ADAM12: variants seen among roughly 807,000 people sequenced by gnomAD.
ADAM12 encodes the protein ADAM metallopeptidase domain 12, also known as disintegrin and metalloproteinase domain-containing protein 12.
ADAM12 carries 70 observed loss-of-function variants against 106.4 expected under a neutral mutation model. The observed-to-expected ratio is 0.66, with a 90% CI of 0.54 to 0.80. The LOEUF (loss-of-function observed/expected upper bound fraction) is 0.80, where lower values mean the gene tolerates loss of function less well. ADAM12 is among the 30% of genes least tolerant of loss of function. The pLI is 0.00. For missense variants in ADAM12, 1,010 were observed against 1,171.9 expected, an observed-to-expected ratio of 0.86 and a Z score of 2.02; for synonymous variants, 420 against 433.5, an observed-to-expected ratio of 0.97 and a Z score of 0.39.
At chr10:126,303,441 A>G (rs1387799774) in intron 2 of ADAM12, among the ~76,000 whole-genome samples, 1 of 152,206 alleles carries the variant, frequency 6.6e-6, no homozygotes, top group Non-Finnish European at 1.5e-5. Flanking sequence ...GAGTAATGTA[A>G]TAGCCTGTAC....
chr10:126,355,706 C>G (rs775603026), intron 1 of ADAM12, among the ~76,000 whole-genome samples: 14 of 152,194 alleles, frequency 9.2e-5, no homozygotes, highest in Non-Finnish European at 1.8e-4. Flanking sequence ...TCCCAGGAAG[C>G]CCACCTCAGT....
chr10:126,103,393 A>T (rs960586904), intron 8 of ADAM12, among the ~76,000 whole-genome samples: 1 of 152,160 alleles, frequency 6.6e-6, no homozygotes. Context: ...AACCACCACC[A>T]CAGCTAATGT....
chr10:126,316,164 AAG>A (rs1369942224), intron 2 of ADAM12, among the ~76,000 whole-genome samples: 166 of 152,330 alleles, frequency 1.1e-3, no homozygotes, highest in African/African-American at 3.6e-3. Flanking sequence ...TAACATTTCT[AAG>A]AGTTCTGTTT....
intron 2 of ADAM12, among the ~76,000 whole-genome samples, chr10:126,300,847 G>A (rs1960589922): frequency 6.6e-6 from 1 of 152,204 alleles, no homozygotes; most frequent in Admixed American, 6.5e-5. Flanking sequence ...TATTCCACGA[G>A]ATTCCACTAG....
At chr10:126,366,455 A>G (rs1376623410) in intron 1 of ADAM12, among the ~76,000 whole-genome samples, 3 of 146,926 alleles carry the variant, frequency 2.0e-5, no homozygotes, top group African/African-American at 7.3e-5. Context: ...GAAGAACTAC[A>G]GCTAAAAAAG....
At chr10:126,181,266 T>C (rs1321291516) in intron 3 of ADAM12, among the ~76,000 whole-genome samples, 1 of 152,092 alleles carries the variant, frequency 6.6e-6, no homozygotes, top group East Asian at 1.9e-4. Context: ...GAGATGGGGT[T>C]TCACCATGTT....
At chr10:126,344,274 A>G (rs1364839532) in intron 1 of ADAM12, among the ~76,000 whole-genome samples, 2 of 152,330 alleles carry the variant, frequency 1.3e-5, no homozygotes, top group Non-Finnish European at 2.9e-5. Flanking sequence ...TTTATTAAAT[A>G]GGGAATCCTT....
chr10:126,313,119 A>G (rs935152397), intron 2 of ADAM12, among the ~76,000 whole-genome samples: 1 of 152,212 alleles, frequency 6.6e-6, no homozygotes, highest in African/African-American at 2.4e-5. Flanking sequence ...CTGAGCCTGC[A>G]GCTTGGCTGG....
At chr10:126,034,965 G>A (rs1033236308) in intron 21 of ADAM12, among the ~76,000 whole-genome samples, 3 of 152,154 alleles carry the variant, frequency 2.0e-5, no homozygotes, top group Non-Finnish European at 2.9e-5. Context: ...AATCCTAATT[G>A]TGTGTATCGC....
intron 22 of ADAM12, among the ~76,000 whole-genome samples, 195 bp downstream of exon 22, chr10:126,019,500 A>G (rs1362312143): frequency 1.3e-5 from 2 of 152,222 alleles, no homozygotes. Flanking sequence ...CTGTGTGCCA[A>G]TGCCTGTGAT....
At chr10:126,155,078 G>A (rs909298919) in intron 4 of ADAM12, 149 bp downstream of exon 4, 19 of 767,894 alleles carry the variant, frequency 2.5e-5, no homozygotes, top group Middle Eastern at 2.5e-4. Context: ...ATAATAGAAC[G>A]CCTACCACTA....
intron 3 of ADAM12, among the ~76,000 whole-genome samples, chr10:126,267,834 G>A (rs927317586): frequency 6.6e-6 from 1 of 151,870 alleles, no homozygotes; most frequent in Non-Finnish European, 1.5e-5. Context: ...CGGTGGGGGT[G>A]GATTTAGAAG....
chr10:126,266,031 G>A (rs894109740), intron 3 of ADAM12, among the ~76,000 whole-genome samples: 1 of 152,142 alleles, frequency 6.6e-6, no homozygotes, highest in Non-Finnish European at 1.5e-5. Flanking sequence ...GTGAAATGAC[G>A]TGATGTCTGG....
Position 126,019,824 on chromosome 10 carries a change from C to A in ADAM12, c.2531G>T (p.Gly844Val). 1 of 1,612,944 alleles carries A rather than the reference C, an allele frequency of 6.2e-7. No individual in the cohort carries two copies. The highest frequency in any genetic ancestry group is 8.5e-7 in the Non-Finnish European group (1 of 1,179,470). Reference protein sequence around the residue: ...PAKPALRQAQGTCKPNPPQKP... With the variant: ...PAKPALRQAQVTCKPNPPQKP... ...CTGAGGGGGGTTTGGCTTACAGGTC[C>A]CCTGCAATAAACATAGGGTTAGGCA... The change falls in exon 22 of 23, where the codon GGG becomes GTG. Residue 844 changes from glycine (G) to valine (V), a missense_variant and splice_region_variant. This residue lies in a region of ADAM12 where 615 missense variants were observed against 708.5 expected (regional missense o/e 0.87). Coordinates refer to ENST00000448723, the MANE Select transcript of ADAM12 (RefSeq NM_001288973.2).
At position 126,066,681 on chromosome 10, in the gene ADAM12, C is replaced by T. The variant is rs774175445; in HGVS notation, c.1413+36G>A. ...GATCTGAACCACCTGAACCTGTTGG[C>T]GACCTGGGGGTCAAGTTGTAGCTCC... On this transcript the variant is annotated intron_variant, in intron 13 of 22. Coordinates refer to ENST00000448723, the MANE Select transcript of ADAM12 (RefSeq NM_001288973.2). The surrounding 1 kb of genome is among the most constrained non-coding windows in gnomAD (Gnocchi z 5.1). 1.4e-5 allele frequency: 23 copies of T among 1,601,214 alleles called. No individual in the cohort carries two copies. Among genetic ancestry groups the T allele is most frequent in the Admixed American group, 6.7e-5 (4 of 59,970 alleles).
chr10:126,356,489 A>G lies in ADAM12; in HGVS notation c.89-25980T>C, dbSNP rs898822323. Among the ~76,000 whole-genome samples the G allele has an allele frequency of 2.6e-5, 4 of 152,214 alleles. No homozygotes were observed. The East Asian group carries it at 7.7e-4, about 29-fold the overall frequency. ...GGAATCACAGGCTAGACTAAATAGTAAAGGTGTATTTCTGCCAAAGAACAC... is the reference window on the plus strand; with the variant it reads ...GGAATCACAGGCTAGACTAAATAGTGAAGGTGTATTTCTGCCAAAGAACAC... On this transcript the variant is annotated intron_variant, in intron 1 of 22. Transcript: ENST00000448723.
At chr10:126,135,726 A>C in intron 4 of ADAM12, 66 bp from the exon 5 acceptor site, 4 of 1,344,692 alleles carry the variant, frequency 3.0e-6, no homozygotes, top group Non-Finnish European at 4.2e-6. Flanking sequence ...ATAATAAATC[A>C]ACTGCCTCTT....
At chr10:126,328,015 T>A (rs1431699481) in intron 2 of ADAM12, among the ~76,000 whole-genome samples, 1 of 152,246 alleles carries the variant, frequency 6.6e-6, no homozygotes, top group African/African-American at 2.4e-5. Context: ...TGGCTGGCTC[T>A]TTAGAACTTA....
At chr10:126,137,170 C>T (rs1239152870) in intron 4 of ADAM12, among the ~76,000 whole-genome samples, 2 of 152,064 alleles carry the variant, frequency 1.3e-5, no homozygotes, top group African/African-American at 4.8e-5. Context: ...TGCTTTGCTG[C>T]CATTTTTCCT....
Sources: gnomAD v4.1 joint callset for allele counts (sites outside exome capture counted in the v4.1 genomes callset) on GRCh38, gnomAD v4.1.1 for gene constraint, gnomAD v4.1.1 regional missense constraint, Gnocchi (gnomAD v3.1) non-coding constraint, MANE v1.5 for transcripts, NCBI Gene and HGNC (gene_info 2026-07-23, HGNC 2026-07-21) for gene names.